DNAH7: variants seen among roughly 807,000 people sequenced by gnomAD.
The protein encoded by DNAH7 is axonemal beta dynein heavy chain 7.
A neutral mutation model predicts 444.6 loss-of-function variants in DNAH7; 397 were observed. That is an observed-to-expected ratio of 0.89 (90% confidence interval 0.82 to 0.97). DNAH7 has a LOEUF of 0.97. Ranked by LOEUF, DNAH7 falls within the 50% of genes least tolerant of loss-of-function variation. The pLI, the probability that DNAH7 is intolerant of heterozygous loss-of-function variation, is 0.00. For synonymous variants in DNAH7, 1,636 were observed against 1,624.4 expected, an observed-to-expected ratio of 1.01 and a Z score of -0.17; for missense variants, 4,902 against 4,800.8, an observed-to-expected ratio of 1.02 and a Z score of -0.62.
chr2:195,775,745 T>A, intron 60 of DNAH7, 101 bp downstream of exon 60: 2 of 1,289,628 alleles, frequency 1.6e-6, no homozygotes, highest in Non-Finnish European at 2.1e-6. Context: ...GTTTCTCCAC[T>A]TGAACAGAAT....
chr2:196,032,898 TA>T (rs1696144856), intron 5 of DNAH7, among the ~76,000 whole-genome samples: 1 of 152,112 alleles, frequency 6.6e-6, no homozygotes, highest in Admixed American at 6.5e-5. Flanking sequence ...AGCAACATAT[TA>T]AAAGGATTAC....
intron 55 of DNAH7, 46 bp from the exon 56 acceptor site, chr2:195,796,783 G>T (rs747724112): frequency 6.4e-7 from 1 of 1,557,372 alleles, no homozygotes; most frequent in Non-Finnish European, 8.7e-7. Context: ...CACATTTTAA[G>T]AAACATCAAT....
intron 15 of DNAH7, among the ~76,000 whole-genome samples, chr2:195,975,308 C>T (rs1383305186): frequency 1.3e-5 from 2 of 151,696 alleles, no homozygotes; most frequent in Non-Finnish European, 2.9e-5. Context: ...GAGAGTGGGA[C>T]TTTGTGTTGG....
chr2:196,015,397 A>G (rs1694955916), intron 9 of DNAH7, among the ~76,000 whole-genome samples: 1 of 152,136 alleles, frequency 6.6e-6, no homozygotes, highest in South Asian at 2.1e-4. Context: ...ATCTTCATCA[A>G]ATAATAAATT....
chr2:195,862,041 G>T, intron 41 of DNAH7, 95 bp from the exon 42 acceptor site: 1 of 935,568 alleles, frequency 1.1e-6, no homozygotes, highest in Non-Finnish European at 1.7e-6. Flanking sequence ...TGTTGGGGGT[G>T]AAGGGGAATA....
Position 195,934,786 on chromosome 2 carries a change from C to T in DNAH7, c.3276G>A (p.Val1092=), listed in dbSNP as rs1279455509. The change falls in exon 21 of 65, where the codon GTG becomes GTA. Residue 1092 remains valine, a synonymous_variant. Coordinates refer to ENST00000312428, the MANE Select transcript of DNAH7 (RefSeq NM_018897.3). ...ILSETKDPTR[V]QPHLKKCFEG... ...CAAAACATTTCTTCAAGTGAGGTTG[C>T]ACCCTGTCAGGAAAAACATTTTTAA... 6.2e-7 allele frequency: 1 copy of T among 1,613,974 alleles called. No individual in the cohort carries two copies. Among genetic ancestry groups the T allele is most frequent in the Admixed American group, 1.7e-5 (1 of 59,986 alleles).
Position 195,881,737 on chromosome 2 carries a change from A to C in DNAH7, c.5961+58T>G, listed in dbSNP as rs1457454606. ...TAAAAAATTATTTGTCTGCTATTTC[A>C]AAAACATTCTTAGGAAGATTATGCA... On this transcript the variant is annotated intron_variant, in intron 36 of 64. Transcript: ENST00000312428. 3.3e-6 allele frequency: 5 copies of C among 1,504,706 alleles called. No individual in the cohort carries two copies. The East Asian group carries it at 9.1e-5, about 28-fold the overall frequency. The allele number at this position is 1,504,706 out of a possible 1,614,324, so 93.2% of individuals were successfully genotyped here.
At chr2:195,801,958 T>C (rs939973991) in intron 54 of DNAH7, among the ~76,000 whole-genome samples, 1 of 152,174 alleles carries the variant, frequency 6.6e-6, no homozygotes, top group Non-Finnish European at 1.5e-5. Context: ...ACAACACATT[T>C]ATAAATGCCT....
chr2:195,871,708 G>GGAGATAAAGCATTTTAAACATCATAAAAT lies in DNAH7; in HGVS notation c.6633+541_6633+542insATTTTATGATGTTTAAAATGCTTTATCTC, dbSNP rs1700705913. On this transcript the variant is annotated intron_variant, in intron 40 of 64. Transcript: ENST00000312428. ...GGATTAAACTACTTAAGGGAAGGCG[G>GGAGATAAAGCATTTTAAACATCATAAAAT]ATCACGAGGTCAGGAGATCGAGACC... Among the ~76,000 whole-genome samples, 651 of 130,368 alleles carry GGAGATAAAGCATTTTAAACATCATAAAAT rather than the reference G, an allele frequency of 5.0e-3. 48 individuals are homozygous for GGAGATAAAGCATTTTAAACATCATAAAAT. The highest frequency in any genetic ancestry group is 0.012 in the African/African-American group (291 of 24,842). The allele number at this position is 130,368 out of a possible 152,430, so 85.5% of individuals were successfully genotyped here. A position where few individuals can be genotyped will look rare whatever the true frequency, so the allele number is the denominator to read the frequency against.
chr2:196,065,204 T>C (rs1417805388), intron 1 of DNAH7, among the ~76,000 whole-genome samples: 2 of 152,238 alleles, frequency 1.3e-5, no homozygotes, highest in Non-Finnish European at 2.9e-5. Context: ...AGGACAATGA[T>C]AGAAACACAT....
At chr2:196,048,443 C>CAGA in intron 3 of DNAH7, 39 bp from the exon 4 acceptor site, 1 of 1,564,000 alleles carries the variant, frequency 6.4e-7, no homozygotes, top group Non-Finnish European at 8.7e-7. Context: ...CAAACAATAT[C>CAGA]AGAAAAAAAC....
At chr2:195,805,956 T>C (rs1003821497) in intron 54 of DNAH7, among the ~76,000 whole-genome samples, 1 of 152,224 alleles carries the variant, frequency 6.6e-6, no homozygotes, top group Non-Finnish European at 1.5e-5. Context: ...TTTATTTTTT[T>C]TTCTTTTGGT....
chr2:195,757,556 A>T (rs1157398846), intron 61 of DNAH7, among the ~76,000 whole-genome samples: 3 of 152,356 alleles, frequency 2.0e-5, no homozygotes, highest in Non-Finnish European at 4.4e-5. Flanking sequence ...TTCATTTGCC[A>T]TCTTCTCAAA....
chr2:195,745,721 C>T (rs1478037263), intron 63 of DNAH7, among the ~76,000 whole-genome samples: 3 of 152,068 alleles, frequency 2.0e-5, no homozygotes, highest in Non-Finnish European at 4.4e-5. Flanking sequence ...AAAGAATTTT[C>T]AACCCAGAAT....
chr2:195,949,681 G>A (rs1326313328), intron 19 of DNAH7, among the ~76,000 whole-genome samples: 5 of 152,044 alleles, frequency 3.3e-5, no homozygotes, highest in Admixed American at 6.6e-5. Context: ...GTCTTGTGCC[G>A]GTTTTTCAGA....
At chr2:195,762,098 A>T (rs1694375733) in intron 61 of DNAH7, among the ~76,000 whole-genome samples, 2 of 152,138 alleles carry the variant, frequency 1.3e-5, no homozygotes, top group Admixed American at 6.6e-5. Context: ...AGGAGGGATG[A>T]AGGTAAAGTG....
In DNAH7 at chr2:196,042,243, G is replaced by A. The variant is rs78783077; in HGVS notation, c.398+5109C>T. 2.0e-3 allele frequency among the ~76,000 whole-genome samples: 297 copies of A among 151,960 alleles called. 1 individual carries two copies. Among genetic ancestry groups the A allele is most frequent in the Admixed American group, 4.4e-3 (67 of 15,258 alleles). ...TATGATCCAGAAATCCTATTGCTGTGTATATATTCGAAATAAAGAAAATAA... is the reference window on the plus strand; with the variant it reads ...TATGATCCAGAAATCCTATTGCTGTATATATATTCGAAATAAAGAAAATAA... On this transcript the variant is annotated intron_variant, in intron 5 of 64. Transcript: ENST00000312428.
intron 36 of DNAH7, among the ~76,000 whole-genome samples, chr2:195,880,398 G>A (rs1373624203): frequency 7.0e-6 from 1 of 143,782 alleles, no homozygotes; most frequent in Non-Finnish European, 1.5e-5. Flanking sequence ...GCGCGATCTC[G>A]GCTCACTGCA....
At chr2:195,789,729 C>G (rs1048383392) in intron 57 of DNAH7, among the ~76,000 whole-genome samples, 13 of 151,244 alleles carry the variant, frequency 8.6e-5, no homozygotes, top group African/African-American at 2.9e-4. Flanking sequence ...AATATCTTGG[C>G]TAAGAATGAA....
Sources: allele counts gnomAD v4.1 joint callset (sites outside exome capture counted in the v4.1 genomes callset), GRCh38; gene constraint gnomAD v4.1.1; transcripts MANE v1.5; gene names NCBI Gene and HGNC (gene_info 2026-07-23, HGNC 2026-07-21).